Variants in LY6G6C observed in about 807,000 individuals in gnomAD.
LY6G6C encodes lymphocyte antigen 6 complex locus protein G6c.
In LY6G6C, 12 loss-of-function variants were observed where a neutral mutation model predicts 12.8. The observed-to-expected ratio is 0.94, with a 90% CI of 0.60 to 1.52. The LOEUF is 1.52. LY6G6C is among the 40% of genes most tolerant of loss of function. The pLI is 0.00. For missense variants in LY6G6C, 125 were observed against 155.8 expected, an observed-to-expected ratio of 0.80 and a Z score of 1.05; for synonymous variants, 42 against 61.6, an observed-to-expected ratio of 0.68 and a Z score of 1.49.
rs1806627037 is a variant in LY6G6C at position 31,718,894 on chromosome 6, A to G, written c.*202T>C. 1 of 586,744 alleles carries G rather than the reference A, an allele frequency of 1.7e-6. No homozygotes were observed. The highest frequency in any genetic ancestry group is 3.0e-6 in the Non-Finnish European group (1 of 330,708). The allele number at this position is 586,744 out of a possible 1,614,324, so 36.3% of individuals were successfully genotyped here. On this transcript the variant is annotated 3_prime_UTR_variant, in exon 3 of 3. Coordinates refer to ENST00000375819, the MANE Select transcript of LY6G6C (RefSeq NM_025261.3). ...TCTAGGAGCCAATGGAGGTCCTGGA[A>G]GGAAGTGGGAAGGGACCCAGAAAAA...
chr6:31,721,493 G>A, intron 1 of LY6G6C, 135 bp downstream of exon 1: 1 of 691,250 alleles, frequency 1.4e-6, no homozygotes, highest in Non-Finnish European at 2.4e-6. Context: ...TGGTCTTGGT[G>A]GCACAGGAGA....
rs779390827 is a variant in LY6G6C at position 31,720,055 on chromosome 6, C to T, written c.163+38G>A. On this transcript the variant is annotated intron_variant, in intron 2 of 2. Coordinates refer to ENST00000375819, the MANE Select transcript of LY6G6C (RefSeq NM_025261.3). This position sits in a 1 kb window ranked among gnomAD's most constrained non-coding sequence, Gnocchi z 4.9. ...CCTCAGTCCTGGTCATAGAGGCTCC[C>T]ACCTCCCTGTTCACCCCACTAAGGA... The T allele has an allele frequency of 5.5e-6, 8 of 1,467,554 alleles. No individual in the cohort carries two copies. In the South Asian group the frequency reaches 6.9e-5, roughly 13 times the overall value. 90.9% of individuals were successfully genotyped at this position (1,467,554 alleles called of 1,614,324 possible).
Position 31,720,147 on chromosome 6 carries a change from G to T in LY6G6C, c.109C>A (p.Gln37Lys), listed in dbSNP as rs766041803. Residue 37 changes from glutamine (Q) to lysine (K), a missense_variant, in exon 2 of 3, where the codon CAG (glutamine) becomes AAG (lysine). Gln to Lys is a moderately conservative substitution (Grantham distance 53). Transcript: ENST00000375819. The surrounding 1 kb of genome is among the most constrained non-coding windows in gnomAD (Gnocchi z 4.9). ...KVPVLGCVDR[Q>K]SCRLEPGQQC... Reference sequence around the variant, plus strand: ...TGTCCTGGCTCCAGGCGGCAGGACTGCCGGTCCACACAGCCCAGCACAGGG... The same window carrying T: ...TGTCCTGGCTCCAGGCGGCAGGACTTCCGGTCCACACAGCCCAGCACAGGG... 2 of 1,613,122 alleles carry T rather than the reference G, an allele frequency of 1.2e-6. No homozygotes were observed. The highest frequency in any genetic ancestry group is 2.2e-5 in the East Asian group (1 of 44,886).
At chr6:31,721,605 C>T in intron 1 of LY6G6C, 23 bp downstream of exon 1, 1 of 1,612,984 alleles carries the variant, frequency 6.2e-7, no homozygotes, top group Non-Finnish European at 8.5e-7. Context: ...CAAACCAGGT[C>T]TTTGGGGCCC....
chr6:31,720,040 G>C lies in LY6G6C; in HGVS notation c.163+53C>G. 1 of 1,293,830 alleles carries C rather than the reference G, an allele frequency of 7.7e-7. No homozygotes were observed. Among genetic ancestry groups the C allele is most frequent in the South Asian group, 1.2e-5 (1 of 82,726 alleles). 80.1% of individuals were successfully genotyped at this position (1,293,830 alleles called of 1,614,324 possible). A position where few individuals can be genotyped will look rare whatever the true frequency, so the allele number is the denominator to read the frequency against. ...TTAGACCCATTTGGGCCTCAGTCCTGGTCATAGAGGCTCCCACCTCCCTGT... is the reference window on the plus strand; with the variant it reads ...TTAGACCCATTTGGGCCTCAGTCCTCGTCATAGAGGCTCCCACCTCCCTGT... On this transcript the variant is annotated intron_variant, in intron 2 of 2. Transcript: ENST00000375819. This position sits in a 1 kb window ranked among gnomAD's most constrained non-coding sequence, Gnocchi z 4.9.
At position 31,719,069 on chromosome 6, in the gene LY6G6C, G is replaced by C; in HGVS notation, c.*27C>G. 1 of 1,595,492 alleles carries C rather than the reference G, an allele frequency of 6.3e-7. No individual in the cohort carries two copies. ...GAGAGGCTCAGGCCAAGGCAGGTGGGAGGAGGGGCAGCCAATGGAATGAGT... is the reference window on the plus strand; with the variant it reads ...GAGAGGCTCAGGCCAAGGCAGGTGGCAGGAGGGGCAGCCAATGGAATGAGT... On this transcript the variant is annotated 3_prime_UTR_variant, in exon 3 of 3. Coordinates refer to ENST00000375819, the MANE Select transcript of LY6G6C (RefSeq NM_025261.3).
chr6:31,721,514 T>C lies in LY6G6C; in HGVS notation c.52+114A>G, dbSNP rs1806782191. ...TGGTGGCACAGGAGAGCTGAGCCAG[T>C]TGGGGCTGGGGGTGTTGGGATCCCG... is the stretch of plus-strand genomic sequence containing the variant. On this transcript the variant is annotated intron_variant, in intron 1 of 2. Transcript: ENST00000375819. 5 of 892,538 alleles carry C rather than the reference T, an allele frequency of 5.6e-6. No homozygotes were observed. In the East Asian group the frequency reaches 1.3e-4, roughly 23 times the overall value. 55.3% of individuals were successfully genotyped at this position (892,538 alleles called of 1,614,324 possible).
In LY6G6C at chr6:31,718,909, A is replaced by G; in HGVS notation, c.*187T>C. On this transcript the variant is annotated 3_prime_UTR_variant, in exon 3 of 3. Transcript: ENST00000375819. Reference sequence around the variant, plus strand: ...AGGTCCTGGAAGGAAGTGGGAAGGGACCCAGAAAAAGGAGAGTGAAGGGTG... The same window carrying G: ...AGGTCCTGGAAGGAAGTGGGAAGGGGCCCAGAAAAAGGAGAGTGAAGGGTG... The G allele has an allele frequency of 1.7e-6, 1 of 598,470 alleles. No individual in the cohort carries two copies. Among genetic ancestry groups the G allele is most frequent in the Non-Finnish European group, 2.9e-6 (1 of 339,568 alleles). 37.1% of individuals were successfully genotyped at this position (598,470 alleles called of 1,614,324 possible). A position where few individuals can be genotyped will look rare whatever the true frequency, so the allele number is the denominator to read the frequency against.
chr6:31,719,630 A>C (rs916137323), intron 2 of LY6G6C, among the ~76,000 whole-genome samples: 1 of 152,038 alleles, frequency 6.6e-6, no homozygotes, highest in African/African-American at 2.4e-5. Context: ...TCCGCCTCCC[A>C]GGTTCAAGCG....
rs1328931259 is a variant in LY6G6C, at chr6:31,720,939, C to A, written c.52+689G>T. The A allele has an allele frequency of 6.6e-6, 1 of 152,280 alleles. No individual in the cohort carries two copies. The highest frequency in any genetic ancestry group is 1.5e-5 in the Non-Finnish European group (1 of 68,098). The allele number at this position is 152,280 out of a possible 1,614,324, so 9.4% of individuals were successfully genotyped here. The stretch of plus-strand genomic sequence containing the variant: ...GACGCAGGGTCCGAGGGTGGAAGAG[C>A]CTGGTAAGTGTACCTCAGTGAAATC... On this transcript the variant is annotated intron_variant, in intron 1 of 2. Transcript: ENST00000375819. This position sits in a 1 kb window ranked among gnomAD's most constrained non-coding sequence, Gnocchi z 4.9.
In LY6G6C at chr6:31,719,034, GAC is replaced by G. The variant is rs1049654738; in HGVS notation, c.*60_*61del. ...ATTCTGTAAAGCCAGGGGATACAGA[GAC>G]ACAGGGAGAGAGGCTCAGGCCAAGG... On this transcript the variant is annotated 3_prime_UTR_variant, in exon 3 of 3. Coordinates refer to ENST00000375819, the MANE Select transcript of LY6G6C (RefSeq NM_025261.3). 31 of 1,389,624 alleles carry G rather than the reference GAC, an allele frequency of 2.2e-5. No individual in the cohort carries two copies. In the African/African-American group the frequency reaches 3.7e-4, roughly 17 times the overall value. The allele number at this position is 1,389,624 out of a possible 1,614,324, so 86.1% of individuals were successfully genotyped here. A position where few individuals can be genotyped will look rare whatever the true frequency, so the allele number is the denominator to read the frequency against.
rs759193448 is a variant in LY6G6C, at chr6:31,720,150, G to A, written c.106C>T (p.Arg36Trp). The A allele has an allele frequency of 3.1e-5, 50 of 1,612,946 alleles. No individual in the cohort carries two copies. The highest frequency in any genetic ancestry group is 6.7e-5 in the East Asian group (3 of 44,898). ...YKVPVLGCVD[R>W]QSCRLEPGQQ... is the part of the protein sequence containing the mutation. Reference sequence around the variant, plus strand: ...CCTGGCTCCAGGCGGCAGGACTGCCGGTCCACACAGCCCAGCACAGGGACC... The same window carrying A: ...CCTGGCTCCAGGCGGCAGGACTGCCAGTCCACACAGCCCAGCACAGGGACC... The change falls in exon 2 of 3, where the codon CGG (arginine) becomes TGG (tryptophan). Residue 36 changes from arginine (R) to tryptophan (W), a missense_variant. Transcript: ENST00000375819. The surrounding 1 kb of genome is among the most constrained non-coding windows in gnomAD (Gnocchi z 4.9).
rs903098091 is a variant in LY6G6C at position 31,720,926 on chromosome 6, G to C, written c.52+702C>G. On this transcript the variant is annotated intron_variant, in intron 1 of 2. Transcript: ENST00000375819. The surrounding 1 kb of genome is among the most constrained non-coding windows in gnomAD (Gnocchi z 4.9). ...GGCAAGATTTGGTGACGCAGGGTCC[G>C]AGGGTGGAAGAGCCTGGTAAGTGTA... 6.6e-6 allele frequency: 1 copy of C among 152,292 alleles called. No individual in the cohort carries two copies. Among genetic ancestry groups the C allele is most frequent in the African/African-American group, 2.4e-5 (1 of 41,450 alleles). 9.4% of individuals were successfully genotyped at this position (152,292 alleles called of 1,614,324 possible). A position where few individuals can be genotyped will look rare whatever the true frequency, so the allele number is the denominator to read the frequency against.
rs932025896 is a variant in LY6G6C at position 31,718,879 on chromosome 6, A to C, written c.*217T>G. ...AAAGTGGGGAGCCCTTCTAGGAGCC[A>C]ATGGAGGTCCTGGAAGGAAGTGGGA... is the stretch of plus-strand genomic sequence containing the variant. On this transcript the variant is annotated 3_prime_UTR_variant, in exon 3 of 3. Transcript: ENST00000375819. The C allele has an allele frequency of 1.7e-6, 1 of 585,536 alleles. No homozygotes were observed. The highest frequency in any genetic ancestry group is 1.9e-5 in the African/African-American group (1 of 53,666). 36.3% of individuals were successfully genotyped at this position (585,536 alleles called of 1,614,324 possible). A position where few individuals can be genotyped will look rare whatever the true frequency, so the allele number is the denominator to read the frequency against.
chr6:31,721,165 C>A, intron 1 of LY6G6C: 1 of 164,000 alleles, frequency 6.1e-6, no homozygotes, highest in Non-Finnish European at 1.3e-5. Context: ...ACATGTGAGT[C>A]CCTGATGGAG....
intron 1 of LY6G6C, chr6:31,721,181 G>C (rs1806759829): frequency 5.9e-6 from 1 of 170,246 alleles, no homozygotes; most frequent in Non-Finnish European, 1.2e-5. Flanking sequence ...TGGAGTAGAT[G>C]GGGAGGGTAG....
chr6:31,720,237 G>T lies in LY6G6C; in HGVS notation c.53-34C>A. On this transcript the variant is annotated intron_variant, in intron 1 of 2. Transcript: ENST00000375819. The surrounding 1 kb of genome is among the most constrained non-coding windows in gnomAD (Gnocchi z 4.9). ...ACACAAGTCAGGCTGAGGTGATGGGGTCTCTGACTTACCTGGGGATAAGCT... is the reference window on the plus strand; with the variant it reads ...ACACAAGTCAGGCTGAGGTGATGGGTTCTCTGACTTACCTGGGGATAAGCT... 6.7e-7 allele frequency: 1 copy of T among 1,492,708 alleles called. No individual in the cohort carries two copies. Among genetic ancestry groups the T allele is most frequent in the Non-Finnish European group, 9.3e-7 (1 of 1,071,338 alleles). The allele number at this position is 1,492,708 out of a possible 1,614,324, so 92.5% of individuals were successfully genotyped here.
In LY6G6C at chr6:31,721,658, T is replaced by C; in HGVS notation, c.22A>G (p.Thr8Ala). Residue 8 changes from threonine (T) to alanine (A), a missense_variant, in exon 1 of 3, where the codon ACC (threonine) becomes GCC (alanine). Coordinates refer to ENST00000375819, the MANE Select transcript of LY6G6C (RefSeq NM_025261.3). ...ACCCAGCAGAGCAGAACAGACAGGG[T>C]GAGCAGCATAAGGGCTTTCATGGCG... is the stretch of plus-strand genomic sequence containing the variant. MKALMLL[T>A]LSVLLCWVSA... 6.2e-7 allele frequency: 1 copy of C among 1,613,776 alleles called. No homozygotes were observed. The highest frequency in any genetic ancestry group is 2.2e-5 in the East Asian group (1 of 44,878).
chr6:31,719,454 T>C, intron 2 of LY6G6C, 144 bp from the exon 3 acceptor site: 1 of 679,408 alleles, frequency 1.5e-6, no homozygotes. Flanking sequence ...TAGTCTGATC[T>C]TCCTTCTGCA....
Sources: gnomAD v4.1 joint callset for allele counts (sites outside exome capture counted in the v4.1 genomes callset) on GRCh38, gnomAD v4.1.1 for gene constraint, Gnocchi (gnomAD v3.1) non-coding constraint, MANE v1.5 for transcripts, NCBI Gene and HGNC (gene_info 2026-07-23, HGNC 2026-07-21) for gene names.